PDE4D: variants seen among roughly 807,000 people sequenced by gnomAD.
The protein encoded by PDE4D is phosphodiesterase 4D.
PDE4D carries 24 observed loss-of-function variants against 87.4 expected under a neutral mutation model. The observed-to-expected ratio is 0.27, with a 90% CI of 0.20 to 0.39. The LOEUF (loss-of-function observed/expected upper bound fraction) is 0.39. Among genes scored for constraint, PDE4D ranks in the 10% least tolerant of loss-of-function variants. The pLI is 1.00. For missense variants in PDE4D, 714 were observed against 1,041.0 expected (o/e 0.69, Z 4.32); for synonymous variants, 384 against 383.2 (o/e 1.00, Z -0.02).
intron 1 of PDE4D, among the ~76,000 whole-genome samples, chr5:59,462,062 C>T (rs1800861287): frequency 6.6e-6 from 1 of 151,916 alleles, no homozygotes; most frequent in African/African-American, 2.4e-5. Context: ...GTAATGGAGG[C>T]AAATAACATA....
chr5:60,088,050 G>A (rs1036997836), intron 2 of PDE4D, among the ~76,000 whole-genome samples: 13 of 152,002 alleles, frequency 8.6e-5, no homozygotes, highest in Admixed American at 2.6e-4. Context: ...GGCTTTCAGC[G>A]GATTTCTCAG....
intron 2 of PDE4D, among the ~76,000 whole-genome samples, chr5:60,115,119 A>G (rs181555848): frequency 3.7e-4 from 57 of 152,226 alleles, no homozygotes; most frequent in Non-Finnish European, 6.0e-4. Context: ...ATATTTTGAA[A>G]AAACTTCCCC....
intron 1 of PDE4D, among the ~76,000 whole-genome samples, chr5:59,434,603 A>G (rs1796547318): frequency 6.6e-6 from 1 of 151,954 alleles, no homozygotes. Flanking sequence ...CAGAGTTCAC[A>G]TTTTTCTGCT....
intron 2 of PDE4D, among the ~76,000 whole-genome samples, chr5:60,124,467 AT>A (rs11350701): frequency 0.48 from 73,114 of 151,620 alleles, 18,389 homozygotes; most frequent in Admixed American, 0.55. Context: ...TTTGAAAAAA[AT>A]AATAGCAAAT....
At chr5:59,762,310 G>A (rs548230834) in intron 1 of PDE4D, among the ~76,000 whole-genome samples, 143 of 146,550 alleles carry the variant, frequency 9.8e-4, no homozygotes, top group African/African-American at 3.5e-3. Context: ...ACACATATGC[G>A]TATATGGGTA....
intron 3 of PDE4D, among the ~76,000 whole-genome samples, chr5:59,957,231 G>A (rs546751535): frequency 2.7e-4 from 41 of 152,010 alleles, no homozygotes; most frequent in African/African-American, 9.9e-4. Context: ...TTTTTGGTTG[G>A]GGAAAGTAAC....
intron 1 of PDE4D, among the ~76,000 whole-genome samples, chr5:59,239,938 T>G (rs1274380562): frequency 6.6e-6 from 1 of 152,224 alleles, no homozygotes; most frequent in Non-Finnish European, 1.5e-5. Context: ...TAGTACATGC[T>G]CCGTAAATAT....
intron 2 of PDE4D, among the ~76,000 whole-genome samples, chr5:60,031,134 T>C (rs1236613612): frequency 6.6e-6 from 1 of 152,226 alleles, no homozygotes; most frequent in African/African-American, 2.4e-5. Flanking sequence ...TAGTCAGAGA[T>C]ATGAATTTTC....
chr5:59,737,644 A>T (rs971222307), intron 1 of PDE4D, among the ~76,000 whole-genome samples: 1 of 152,116 alleles, frequency 6.6e-6, no homozygotes, highest in Admixed American at 6.6e-5. Flanking sequence ...TTATCTATAA[A>T]ATTTCAAATG....
intron 3 of PDE4D, among the ~76,000 whole-genome samples, chr5:59,960,302 G>T (rs1759323618): frequency 6.6e-6 from 1 of 152,166 alleles, no homozygotes; most frequent in South Asian, 2.1e-4. Flanking sequence ...ATTTCCAAAA[G>T]AACTAAAATT....
At chr5:60,244,923 C>A (rs977930953) in intron 1 of PDE4D, among the ~76,000 whole-genome samples, 1 of 151,864 alleles carries the variant, frequency 6.6e-6, no homozygotes, top group African/African-American at 2.4e-5. Flanking sequence ...GCACAGGCAA[C>A]CAAAACAGAA....
intron 1 of PDE4D, among the ~76,000 whole-genome samples, chr5:59,524,326 G>A (rs1812712644): frequency 1.3e-5 from 2 of 152,346 alleles, no homozygotes; most frequent in South Asian, 4.1e-4. Flanking sequence ...ATGACGTCCA[G>A]GCTGAGTTGG....
chr5:59,995,463 C>T (rs1274547563), intron 2 of PDE4D, among the ~76,000 whole-genome samples: 3 of 151,842 alleles, frequency 2.0e-5, no homozygotes, highest in African/African-American at 7.3e-5. Flanking sequence ...GGATTACAGG[C>T]ACCTGCCACC....
intron 1 of PDE4D, among the ~76,000 whole-genome samples, chr5:59,644,640 A>C (rs1450428648): frequency 6.6e-6 from 1 of 152,198 alleles, no homozygotes; most frequent in African/African-American, 2.4e-5. Flanking sequence ...CATTTATTTC[A>C]GGCTTTCAGG....
intron 1 of PDE4D, among the ~76,000 whole-genome samples, chr5:60,446,336 T>C (rs1745640866): frequency 6.6e-6 from 1 of 152,140 alleles, no homozygotes; most frequent in Admixed American, 6.6e-5. Flanking sequence ...ACACAATAAT[T>C]TTTACAGTAG....
intron 1 of PDE4D, among the ~76,000 whole-genome samples, chr5:59,287,055 A>G (rs1490894658): frequency 6.6e-6 from 1 of 152,156 alleles, no homozygotes; most frequent in African/African-American, 2.4e-5. Context: ...ATAAGAACCA[A>G]AAATCAGCTT....
intron 1 of PDE4D, among the ~76,000 whole-genome samples, chr5:59,698,606 T>C (rs1482260805): frequency 6.6e-6 from 1 of 152,160 alleles, no homozygotes; most frequent in Non-Finnish European, 1.5e-5. Context: ...TGCTTAGAGA[T>C]ATTTTTTCTA....
chr5:59,410,883 T>C (rs924949647), intron 1 of PDE4D, among the ~76,000 whole-genome samples: 1 of 152,212 alleles, frequency 6.6e-6, no homozygotes, highest in African/African-American at 2.4e-5. Flanking sequence ...ATTATAAGGC[T>C]AACTGACAGA....
chr5:60,412,169 G>A (rs903131347), intron 1 of PDE4D, among the ~76,000 whole-genome samples: 3 of 151,988 alleles, frequency 2.0e-5, no homozygotes, highest in Admixed American at 6.6e-5. Flanking sequence ...ACAATTATAC[G>A]TGTCTTCAAA....
Sources: gnomAD v4.1 joint callset for allele counts (sites outside exome capture counted in the v4.1 genomes callset) on GRCh38, gnomAD v4.1.1 for gene constraint, MANE v1.5 for transcripts, NCBI Gene and HGNC (gene_info 2026-07-23, HGNC 2026-07-21) for gene names.